LHX3: variants seen among roughly 807,000 people sequenced by gnomAD.
LHX3 encodes the protein LIM/homeobox protein Lhx3.
In LHX3, 21 loss-of-function variants were observed where a neutral mutation model predicts 32.4. The ratio of observed to expected loss-of-function variants is 0.65; its 90% CI spans 0.46 to 0.93. LHX3 has a LOEUF of 0.93. Ranked by LOEUF, LHX3 falls within the 40% of genes least tolerant of loss-of-function variation. The probability of loss-of-function intolerance (pLI) is 0.00; values close to 1 mark genes in which losing one functional copy is unlikely to be tolerated. For missense variants in LHX3, 626 were observed against 560.0 expected, an observed-to-expected ratio of 1.12 and a Z score of -1.19; for synonymous variants, 258 against 246.8, an observed-to-expected ratio of 1.05 and a Z score of -0.43.
intron 1 of LHX3, among the ~76,000 whole-genome samples, chr9:136,203,785 C>T (rs1831701123): frequency 6.6e-6 from 1 of 152,230 alleles, no homozygotes; most frequent in Non-Finnish European, 1.5e-5. Context: ...AGCCCCAGGG[C>T]ACACCTTCCA....
chr9:136,197,251 A>G lies in LHX3; in HGVS notation c.*74T>C. ...GACGCCCTGGCCCCACTTCCTCGGA[A>G]ACCCCAGCAGCCCCGAGCCGCCCAC... On this transcript the variant is annotated 3_prime_UTR_variant, in exon 6 of 6. Coordinates refer to ENST00000371748, the MANE Select transcript of LHX3 (RefSeq NM_178138.6). 6.5e-7 allele frequency: 1 copy of G among 1,528,124 alleles called. No individual in the cohort carries two copies. Among genetic ancestry groups the G allele is most frequent in the Non-Finnish European group, 9.0e-7 (1 of 1,112,496 alleles). The allele number at this position is 1,528,124 out of a possible 1,614,324, so 94.7% of individuals were successfully genotyped here.
At chr9:136,201,316 C>G in intron 1 of LHX3, 1 of 1,253,784 alleles carries the variant, frequency 8.0e-7, no homozygotes, top group South Asian at 3.7e-5. Context: ...ATTGGGCAGC[C>G]GCAAAATTAC....
chr9:136,196,688 A>G lies in LHX3; in HGVS notation c.*637T>C, dbSNP rs191713062. On this transcript the variant is annotated 3_prime_UTR_variant, in exon 6 of 6. Coordinates refer to ENST00000371748, the MANE Select transcript of LHX3 (RefSeq NM_178138.6). ...CGCCAGGCATTTTTGCCTCCTCCACAGGATACTCGAGAACAGAATGATCTA... is the reference window on the plus strand; with the variant it reads ...CGCCAGGCATTTTTGCCTCCTCCACGGGATACTCGAGAACAGAATGATCTA... 3.4e-3 allele frequency: 526 copies of G among 153,034 alleles called. 1 individual carries two copies. The highest frequency in any genetic ancestry group is 0.024 in the South Asian group (114 of 4,834). 9.5% of individuals were successfully genotyped at this position (153,034 alleles called of 1,614,324 possible).
chr9:136,201,153 C>G, intron 1 of LHX3: 1 of 1,380,906 alleles, frequency 7.2e-7, no homozygotes, highest in Non-Finnish European at 9.3e-7. Flanking sequence ...GGAAACGGGT[C>G]TTCACCATCA....
chr9:136,203,244 CG>C, intron 1 of LHX3: 1 of 583,560 alleles, frequency 1.7e-6, no homozygotes, highest in Non-Finnish European at 2.2e-6. Context: ...GGGGCGGGGC[CG>C]GGGGTCGCGG....
In LHX3 at chr9:136,197,060, T is replaced by C; in HGVS notation, c.*265A>G. On this transcript the variant is annotated 3_prime_UTR_variant, in exon 6 of 6. Transcript: ENST00000371748. ...AAATAGCAGCAAGTGCTCAGTTAAT[T>C]GGTCAATAAAGGGGAGAAATTTGCT... 1 of 574,082 alleles carries C rather than the reference T, an allele frequency of 1.7e-6. No homozygotes were observed. The highest frequency in any genetic ancestry group is 2.9e-5 in the East Asian group (1 of 34,598). 35.6% of individuals were successfully genotyped at this position (574,082 alleles called of 1,614,324 possible).
At position 136,199,002 on chromosome 9, in the gene LHX3, G is replaced by A; in HGVS notation, c.512C>T (p.Thr171Met). 1.9e-6 allele frequency: 3 copies of A among 1,591,478 alleles called. No individual in the cohort carries two copies. Among genetic ancestry groups the A allele is most frequent in the Non-Finnish European group, 2.6e-6 (3 of 1,173,364 alleles). The change falls in exon 4 of 6, where the codon ACG becomes ATG. Residue 171 changes from threonine to methionine, a missense_variant. Coordinates refer to ENST00000371748, the MANE Select transcript of LHX3 (RefSeq NM_178138.6). ...RTTITAKQLE[T>M]LKSAYNTSPK... ...CGAGGTGTTGTAAGCGCTCTTCAGC[G>A]TCTCCAGCTGCTTGGCGGTGATGGT...
In LHX3 at chr9:136,198,742, G is replaced by A. The variant is rs1196354918; in HGVS notation, c.685C>T (p.Arg229Cys). 1.9e-6 allele frequency: 3 copies of A among 1,611,554 alleles called. No homozygotes were observed. Among genetic ancestry groups the A allele is most frequent in the Non-Finnish European group, 8.5e-7 (1 of 1,179,820 alleles). ...CCGCCGCGGGAGCGCTTCATGTTGCGGAAATACTGCCCCCAGCGCTGCCGG... is the reference window on the plus strand; with the variant it reads ...CCGCCGCGGGAGCGCTTCATGTTGCAGAAATACTGCCCCCAGCGCTGCCGG... ...AGRQRWGQYFRNMKRSRGGSK... is the reference protein window; with the variant it reads ...AGRQRWGQYFCNMKRSRGGSK... Residue 229 changes from arginine to cysteine, a missense_variant, in exon 5 of 6, where the codon CGC (arginine) becomes TGC (cysteine). Physicochemically the swap from Arg to Cys is radical, Grantham distance 180. Transcript: ENST00000371748.
intron 1 of LHX3, chr9:136,201,550 C>T: frequency 9.1e-7 from 1 of 1,100,608 alleles, no homozygotes; most frequent in Non-Finnish European, 1.1e-6. Context: ...GGGCTGAGGA[C>T]TCCCTCTTCA....
At position 136,197,691 on chromosome 9, in the gene LHX3, C is replaced by T. The variant is rs371660154; in HGVS notation, c.828G>A (p.Leu276=). The T allele has an allele frequency of 2.4e-5, 38 of 1,607,068 alleles. 1 individual carries two copies. The South Asian group carries it at 2.8e-4, about 12-fold the overall frequency. ...GGCCCAAGGCCTGGGTGGGTTCCCC[C>T]AAGCTCCCGTAGAGGCCATTGGCCG... The part of the protein sequence containing the change: ...MGPANGLYGS[L]GEPTQALGRP... The change falls in exon 6 of 6, where the codon TTG becomes TTA. Residue 276 remains leucine (L), a synonymous_variant. Transcript: ENST00000371748.
At chr9:136,199,941 G>C (rs756903718) in intron 2 of LHX3, 61 bp from the exon 3 acceptor site, 293 of 1,514,378 alleles carry the variant, frequency 1.9e-4, no homozygotes, top group Non-Finnish European at 2.5e-4. Context: ...GCCCCGAGCG[G>C]GTTGGAGAGA....
At position 136,199,823 on chromosome 9, in the gene LHX3, C is replaced by A. The variant is rs766945737; in HGVS notation, c.309G>T (p.Val103=). The stretch of plus-strand genomic sequence containing the variant: ...GGTACACGAAGTCCTGGGCGCGGCG[C>A]ACCACCTGCGTGGGCGGGATGCCCA... ...CQLGIPPTQV[V]RRAQDFVYHL... Residue 103 remains valine (V), a synonymous_variant, in exon 3 of 6, where the codon GTG becomes GTT. Coordinates refer to ENST00000371748, the MANE Select transcript of LHX3 (RefSeq NM_178138.6). The A allele has an allele frequency of 4.7e-5, 75 of 1,610,774 alleles. No homozygotes were observed. The highest frequency in any genetic ancestry group is 6.1e-5 in the Non-Finnish European group (72 of 1,178,966).
In LHX3 at chr9:136,196,482, G is replaced by A. The variant is rs1404593744; in HGVS notation, c.*843C>T. On this transcript the variant is annotated 3_prime_UTR_variant, in exon 6 of 6. Coordinates refer to ENST00000371748, the MANE Select transcript of LHX3 (RefSeq NM_178138.6). ...TGGAGGAGGCAGGGCAGGCTCAGAG[G>A]AGCCCCACCCTTCTCCAGCGGGGAG... The A allele has an allele frequency of 2.6e-5, 4 of 152,648 alleles. No individual in the cohort carries two copies. The highest frequency in any genetic ancestry group is 9.6e-5 in the African/African-American group (4 of 41,474). 9.5% of individuals were successfully genotyped at this position (152,648 alleles called of 1,614,324 possible).
intron 2 of LHX3, chr9:136,200,371 C>T (rs1024927584): frequency 9.9e-6 from 6 of 608,396 alleles, no homozygotes; most frequent in African/African-American, 9.3e-5. Context: ...GCTGATGTCC[C>T]AGCCAGGCCC....
intron 1 of LHX3, chr9:136,202,852 A>G (rs1831677631): frequency 2.1e-6 from 3 of 1,416,304 alleles, no homozygotes; most frequent in Non-Finnish European, 2.9e-6. Flanking sequence ...TCCCGCCCAG[A>G]TCCTCTAGCT....
intron 1 of LHX3, among the ~76,000 whole-genome samples, chr9:136,203,671 G>A (rs533074311): frequency 2.0e-5 from 3 of 152,332 alleles, no homozygotes; most frequent in Non-Finnish European, 2.9e-5. Flanking sequence ...CTGGAACTGC[G>A]GCCCCGGACG....
intron 1 of LHX3, chr9:136,201,574 T>G: frequency 1.9e-6 from 2 of 1,051,898 alleles, no homozygotes; most frequent in Non-Finnish European, 2.3e-6. Context: ...AGAAAAAGTC[T>G]CTGGAAGAGA....
intron 2 of LHX3, 68 bp from the exon 3 acceptor site, chr9:136,199,948 G>T: frequency 1.3e-6 from 2 of 1,498,054 alleles, no homozygotes; most frequent in South Asian, 2.4e-5. Context: ...GCGGGTTGGA[G>T]AGAGGCAAGC....
rs968047066 is a variant in LHX3, at chr9:136,196,989, A to T, written c.*336T>A. ...AAAGCGTTTTTCCAGCCCTCGGGCT[A>T]TGCTGGGCTGGGCTGGGCCTCAGCA... On this transcript the variant is annotated 3_prime_UTR_variant, in exon 6 of 6. Coordinates refer to ENST00000371748, the MANE Select transcript of LHX3 (RefSeq NM_178138.6). The T allele has an allele frequency of 1.2e-5, 5 of 426,106 alleles. No individual in the cohort carries two copies. The highest frequency in any genetic ancestry group is 2.1e-5 in the Non-Finnish European group (5 of 234,344). The allele number at this position is 426,106 out of a possible 1,614,324, so 26.4% of individuals were successfully genotyped here. A position where few individuals can be genotyped will look rare whatever the true frequency, so the allele number is the denominator to read the frequency against.
Sources: allele counts gnomAD v4.1 joint callset (sites outside exome capture counted in the v4.1 genomes callset), GRCh38; gene constraint gnomAD v4.1.1; transcripts MANE v1.5; gene names NCBI Gene and HGNC (gene_info 2026-07-23, HGNC 2026-07-21).